Variants in NENF observed in about 807,000 individuals in gnomAD.
NENF encodes the protein neudesin.
Under a neutral mutation model 14.8 loss-of-function variants are expected in NENF, and 6 were observed. The ratio of observed to expected loss-of-function variants is 0.40; its 90% confidence interval spans 0.22 to 0.80. The LOEUF is 0.80. Among genes scored for constraint, NENF ranks in the 30% least tolerant of loss-of-function variants. NENF has a pLI of 0.34. For synonymous variants in NENF, 76 were observed against 95.1 expected (o/e 0.80, Z 1.17); for missense variants, 184 against 212.7 (o/e 0.87, Z 0.84).
intron 3 of NENF, among the ~76,000 whole-genome samples, chr1:212,444,827 A>C (rs560948874): frequency 2.0e-4 from 30 of 152,186 alleles, no homozygotes; most frequent in African/African-American, 7.0e-4. Context: ...CCATCCCCTC[A>C]GCCCCTTACA....
At chr1:212,435,219 C>A (rs1246107945) in intron 1 of NENF, among the ~76,000 whole-genome samples, 1 of 152,204 alleles carries the variant, frequency 6.6e-6, no homozygotes, top group East Asian at 1.9e-4. Flanking sequence ...TCGTAAGATA[C>A]TTGGATTAGT....
intron 1 of NENF, among the ~76,000 whole-genome samples, chr1:212,434,439 G>A (rs1662572798): frequency 6.6e-6 from 1 of 152,184 alleles, no homozygotes; most frequent in Non-Finnish European, 1.5e-5. Context: ...CACTGTATAT[G>A]CTAGGCAGAG....
chr1:212,439,485 T>G (rs1222425776), intron 1 of NENF, among the ~76,000 whole-genome samples: 1 of 150,996 alleles, frequency 6.6e-6, no homozygotes, highest in African/African-American at 2.4e-5. Context: ...GAGGTTGCGA[T>G]GAGCCAAGAT....
At chr1:212,441,558 G>C (rs1382207180) in intron 1 of NENF, among the ~76,000 whole-genome samples, 1 of 152,116 alleles carries the variant, frequency 6.6e-6, no homozygotes, top group Non-Finnish European at 1.5e-5. Context: ...GCCTAGGTGG[G>C]TGGATCACCT....
chr1:212,436,430 C>T (rs1662602728), intron 1 of NENF, among the ~76,000 whole-genome samples: 1 of 151,804 alleles, frequency 6.6e-6, no homozygotes, highest in African/African-American at 2.4e-5. Context: ...CTACCTCAGC[C>T]TCCCGAGTAG....
intron 1 of NENF, 125 bp from the exon 2 acceptor site, chr1:212,442,440 C>T: frequency 1.3e-6 from 1 of 757,038 alleles, no homozygotes; most frequent in South Asian, 1.6e-5. Context: ...CCAGGCTTAA[C>T]AGAAAGCCTT....
chr1:212,445,157 A>AAC (rs1477426529), intron 3 of NENF, among the ~76,000 whole-genome samples: 11 of 152,116 alleles, frequency 7.2e-5, no homozygotes, highest in African/African-American at 2.7e-4. Context: ...TGGGAGGTTG[A>AAC]GGCAGGAGAA....
chr1:212,441,654 C>A (rs893731869), intron 1 of NENF, among the ~76,000 whole-genome samples: 1 of 152,052 alleles, frequency 6.6e-6, no homozygotes, highest in Non-Finnish European at 1.5e-5. Context: ...GGCGTGGTGG[C>A]GGGTGCCTGT....
chr1:212,436,435 G>A (rs918929400), intron 1 of NENF, among the ~76,000 whole-genome samples: 8 of 148,962 alleles, frequency 5.4e-5, no homozygotes, highest in East Asian at 4.1e-4. Context: ...TCAGCCTCCC[G>A]AGTAGCTGGG....
Position 212,442,114 on chromosome 1 carries a change from C to CA in NENF, c.178-449dup, listed in dbSNP as rs546564525. On this transcript the variant is annotated intron_variant, in intron 1 of 3. Coordinates refer to ENST00000366988, the MANE Select transcript of NENF (RefSeq NM_013349.5). ...ACGACCTCTGCCTCCAGGGTTCAAGCAATTCTCCAGCCTCAGACTCGCGAG... is the reference window on the plus strand; with the variant it reads ...ACGACCTCTGCCTCCAGGGTTCAAGCAAATTCTCCAGCCTCAGACTCGCGAG... Among the ~76,000 whole-genome samples the CA allele has an allele frequency of 7.9e-4, 121 of 152,290 alleles. 2 individuals carry two copies. The highest frequency in any genetic ancestry group is 2.7e-3 in the African/African-American group (112 of 41,548).
rs1181409587 is a variant in NENF, at chr1:212,446,237, C to G, written c.*231C>G. 2.2e-5 allele frequency: 11 copies of G among 503,552 alleles called. No homozygotes were observed. Among genetic ancestry groups the G allele is most frequent in the Admixed American group, 3.3e-5 (1 of 29,866 alleles). The allele number at this position is 503,552 out of a possible 1,614,324, so 31.2% of individuals were successfully genotyped here. A position where few individuals can be genotyped will look rare whatever the true frequency, so the allele number is the denominator to read the frequency against. On this transcript the variant is annotated 3_prime_UTR_variant, in exon 4 of 4. Coordinates refer to ENST00000366988, the MANE Select transcript of NENF (RefSeq NM_013349.5). ...AATAAGAGCCAAAGTGGGACACCTC[C>G]TAGATGTCAGTATCAGCTGGCTGGG... is the stretch of plus-strand genomic sequence containing the variant.
rs1432598154 is a variant in NENF at position 212,433,884 on chromosome 1, G to T, written c.177+764G>T. Among the ~76,000 whole-genome samples the T allele has an allele frequency of 6.6e-6, 1 of 152,118 alleles. No homozygotes were observed. The highest frequency in any genetic ancestry group is 2.4e-5 in the African/African-American group (1 of 41,412). ...GGGCTGATATTAGATGTGGAGCGGGGGAACGGCATTGGGGGGAGGTCATAG... is the reference window on the plus strand; with the variant it reads ...GGGCTGATATTAGATGTGGAGCGGGTGAACGGCATTGGGGGGAGGTCATAG... On this transcript the variant is annotated intron_variant, in intron 1 of 3. Transcript: ENST00000366988. This position sits in a 1 kb window ranked among gnomAD's most constrained non-coding sequence, Gnocchi z 5.5.
chr1:212,439,557 T>A (rs759481664), intron 1 of NENF, among the ~76,000 whole-genome samples: 2 of 145,076 alleles, frequency 1.4e-5, no homozygotes, highest in Non-Finnish European at 3.0e-5. Flanking sequence ...AAAAAAAAGA[T>A]TGTTTGCCGG....
chr1:212,435,254 C>G (rs1249529890), intron 1 of NENF, among the ~76,000 whole-genome samples: 1 of 152,194 alleles, frequency 6.6e-6, no homozygotes, highest in African/African-American at 2.4e-5. Context: ...GGAACAGAAC[C>G]ATTTGGATAT....
At position 212,444,381 on chromosome 1, in the gene NENF, A is replaced by T; in HGVS notation, c.281A>T (p.Lys94Met). The change falls in exon 3 of 4, where the codon AAG becomes ATG. Residue 94 changes from lysine (K) to methionine (M), a missense_variant. Lys to Met is a moderately conservative substitution (Grantham distance 95). Transcript: ENST00000366988. Reference protein sequence around the residue: ...RGAPYNALTGKDSTRGVAKMS... With the variant: ...RGAPYNALTGMDSTRGVAKMS... ...GCCCCCTACAATGCCTTGACGGGGA[A>T]GGACTCCACTAGAGGGGTAGCCAAG... 1 of 1,608,424 alleles carries T rather than the reference A, an allele frequency of 6.2e-7. No homozygotes were observed. The highest frequency in any genetic ancestry group is 8.5e-7 in the Non-Finnish European group (1 of 1,176,928).
intron 3 of NENF, among the ~76,000 whole-genome samples, chr1:212,445,253 T>C (rs1662761448): frequency 7.6e-6 from 1 of 132,288 alleles, no homozygotes; most frequent in Non-Finnish European, 1.7e-5. Context: ...AGACTCCATC[T>C]CAAAAAAAAA....
Position 212,433,162 on chromosome 1 carries a change from C to A in NENF, c.177+42C>A, listed in dbSNP as rs962726458. 3 of 1,117,892 alleles carry A rather than the reference C, an allele frequency of 2.7e-6. No homozygotes were observed. The highest frequency in any genetic ancestry group is 4.4e-5 in the South Asian group (1 of 22,824). The allele number at this position is 1,117,892 out of a possible 1,614,324, so 69.2% of individuals were successfully genotyped here. On this transcript the variant is annotated intron_variant, in intron 1 of 3. Coordinates refer to ENST00000366988, the MANE Select transcript of NENF (RefSeq NM_013349.5). The surrounding 1 kb of genome is among the most constrained non-coding windows in gnomAD (Gnocchi z 5.5). ...CGGGCCGAGGGACCCGGGGTGGCGT[C>A]CGATCTGCGGCGAGCCGAGCGGGGA... is the stretch of plus-strand genomic sequence containing the variant.
At position 212,445,004 on chromosome 1, in the gene NENF, C is replaced by G. The variant is rs1029552851; in HGVS notation, c.342+562C>G. On this transcript the variant is annotated intron_variant, in intron 3 of 3. Coordinates refer to ENST00000366988, the MANE Select transcript of NENF (RefSeq NM_013349.5). The stretch of plus-strand genomic sequence containing the variant: ...GAGTGGTGGATCATGCCTGTAATCC[C>G]AGCACTTTGGAAGGCAAAGGCAGGT... 3.3e-5 allele frequency among the ~76,000 whole-genome samples: 5 copies of G among 152,098 alleles called. No homozygotes were observed. In the South Asian group the frequency reaches 1.0e-3, roughly 32 times the overall value.
chr1:212,442,501 A>G, intron 1 of NENF, 64 bp from the exon 2 acceptor site: 2 of 1,233,936 alleles, frequency 1.6e-6, no homozygotes, highest in Non-Finnish European at 2.4e-6. Flanking sequence ...AGAAGATTTT[A>G]CTAAGTTGCA....
Sources: allele counts gnomAD v4.1 joint callset (sites outside exome capture counted in the v4.1 genomes callset), GRCh38; gene constraint gnomAD v4.1.1; non-coding constraint Gnocchi (gnomAD v3.1); transcripts MANE v1.5; gene names NCBI Gene and HGNC (gene_info 2026-07-23, HGNC 2026-07-21).